The following SCNN1G variants were observed in gnomAD, a reference collection of about 807,000 sequenced individuals.
The protein encoded by SCNN1G is epithelial sodium channel subunit gamma.
In SCNN1G, 27 loss-of-function variants were observed where a neutral mutation model predicts 64.6. The ratio of observed to expected loss-of-function variants is 0.42; its 90% CI spans 0.31 to 0.58. SCNN1G has a LOEUF of 0.58. Among genes scored for constraint, SCNN1G ranks in the 20% least tolerant of loss-of-function variants. The pLI is 0.18. For missense variants in SCNN1G, 743 were observed against 823.4 expected (o/e 0.90, Z 1.19); for synonymous variants, 330 against 314.2 (o/e 1.05, Z -0.53).
chr16:23,184,926 C>G (rs1329609500), intron 1 of SCNN1G, among the ~76,000 whole-genome samples: 1 of 152,114 alleles, frequency 6.6e-6, no homozygotes, highest in Admixed American at 6.5e-5. Context: ...TCATATATCC[C>G]CCACCCCCAA....
chr16:23,214,994 G>A, intron 12 of SCNN1G, 95 bp from the exon 13 acceptor site: 1 of 1,462,954 alleles, frequency 6.8e-7, no homozygotes, highest in Non-Finnish European at 9.5e-7. Context: ...GCAGGGTCGG[G>A]GCTGACCCGT....
chr16:23,197,854 G>T (rs537555320), intron 6 of SCNN1G, among the ~76,000 whole-genome samples: 1 of 148,710 alleles, frequency 6.7e-6, no homozygotes, highest in Non-Finnish European at 1.5e-5. Flanking sequence ...CACTCCAGCC[G>T]AGCAACAGAG....
At chr16:23,202,132 C>G (rs184263887) in intron 6 of SCNN1G, among the ~76,000 whole-genome samples, 2 of 152,224 alleles carry the variant, frequency 1.3e-5, no homozygotes, top group African/African-American at 4.8e-5. Flanking sequence ...CAAAAGTAAG[C>G]ACAACTTTGC....
At chr16:23,198,828 G>A (rs991518913) in intron 6 of SCNN1G, among the ~76,000 whole-genome samples, 9 of 151,858 alleles carry the variant, frequency 5.9e-5, no homozygotes, top group African/African-American at 2.2e-4. Flanking sequence ...GCTGAAGTGG[G>A]ACGATCACTT....
chr16:23,199,171 T>G (rs1959845198), intron 6 of SCNN1G, among the ~76,000 whole-genome samples: 1 of 152,220 alleles, frequency 6.6e-6, no homozygotes, highest in African/African-American at 2.4e-5. Flanking sequence ...TACTGTGTCT[T>G]GGCAGGGATA....
chr16:23,189,697 C>T, intron 3 of SCNN1G, 26 bp downstream of exon 3: 2 of 1,610,024 alleles, frequency 1.2e-6, no homozygotes, highest in Non-Finnish European at 8.5e-7. Context: ...CTCATTCTTT[C>T]ACTGCTTAGG....
intron 4 of SCNN1G, among the ~76,000 whole-genome samples, chr16:23,192,993 C>T (rs986476862): frequency 2.2e-5 from 3 of 137,448 alleles, no homozygotes; most frequent in Admixed American, 8.1e-5. Flanking sequence ...CGCTTGAACC[C>T]GGGAGGCGGA....
intron 6 of SCNN1G, among the ~76,000 whole-genome samples, chr16:23,206,231 G>A (rs78367348): frequency 0.028 from 4,331 of 152,264 alleles, 86 homozygotes; most frequent in Non-Finnish European, 0.043. Context: ...TGAGAACAAT[G>A]GTCTGATAGC....
Position 23,189,405 on chromosome 16 carries a change from G to A in SCNN1G, c.352G>A (p.Glu118Lys). Residue 118 changes from glutamate (E) to lysine (K), a missense_variant, in exon 3 of 13, where the codon GAA becomes AAA. Coordinates refer to ENST00000300061, the MANE Select transcript of SCNN1G (RefSeq NM_001039.4). ...STVRHLLADL[E>K]QETREALKSL... ...CGTTCGCCACCTTCTAGCTGACTTGGAACAGGAGACCAGAGAGGCCCTGAA... is the reference window on the plus strand; with the variant it reads ...CGTTCGCCACCTTCTAGCTGACTTGAAACAGGAGACCAGAGAGGCCCTGAA... The A allele has an allele frequency of 6.2e-7, 1 of 1,614,066 alleles. No individual in the cohort carries two copies. Among genetic ancestry groups the A allele is most frequent in the South Asian group, 1.1e-5 (1 of 91,074 alleles).
chr16:23,193,103 C>T (rs1959738346), intron 4 of SCNN1G, among the ~76,000 whole-genome samples: 1 of 142,320 alleles, frequency 7.0e-6, no homozygotes, highest in Non-Finnish European at 1.5e-5. Context: ...AAAAACCCAA[C>T]CCACAAGGTA....
chr16:23,186,575 A>G lies in SCNN1G; in HGVS notation c.304A>G (p.Ile102Val). The G allele has an allele frequency of 6.2e-7, 1 of 1,612,704 alleles. No homozygotes were observed. Among genetic ancestry groups the G allele is most frequent in the Non-Finnish European group, 8.5e-7 (1 of 1,179,958 alleles). The change falls in exon 2 of 13, where the codon ATC becomes GTC. Residue 102 changes from isoleucine (I) to valine (V), a missense_variant. Transcript: ENST00000300061. ...LDFPAVTICN[I>V]NPYKYSTVRH... Reference sequence around the variant, plus strand: ...TTTTCCTGCAGTCACCATCTGCAACATCAACCCCTACAAGTAAGAGGCATG... The same window carrying G: ...TTTTCCTGCAGTCACCATCTGCAACGTCAACCCCTACAAGTAAGAGGCATG...
intron 4 of SCNN1G, 146 bp downstream of exon 4, chr16:23,192,688 A>G (rs1159341095): frequency 7.1e-6 from 5 of 708,360 alleles, no homozygotes; most frequent in Non-Finnish European, 1.3e-5. Context: ...AACTGCTTAC[A>G]TGGGAGCTGT....
intron 11 of SCNN1G, 46 bp downstream of exon 11, chr16:23,213,209 C>T (rs766777190): frequency 7.8e-6 from 11 of 1,412,948 alleles, no homozygotes; most frequent in Non-Finnish European, 7.0e-6. Context: ...CACCACAGCC[C>T]CCAGCCTTCT....
Position 23,215,314 on chromosome 16 carries a change from G to C in SCNN1G, c.1795G>C (p.Asp599His). 1.2e-6 allele frequency: 2 copies of C among 1,614,200 alleles called. No homozygotes were observed. The highest frequency in any genetic ancestry group is 1.7e-6 in the Non-Finnish European group (2 of 1,180,044). ...CCAGGACAATCCAGCCCTGGATATA[G>C]ACGATGACCTACCCACTTTCAACTC... ...QGQDNPALDI[D>H]DDLPTFNSAL... The change falls in exon 13 of 13, where the codon GAC becomes CAC. Residue 599 changes from aspartate (D) to histidine (H), a missense_variant. Coordinates refer to ENST00000300061, the MANE Select transcript of SCNN1G (RefSeq NM_001039.4).
In SCNN1G at chr16:23,189,460, A is replaced by G. The variant is rs760937894; in HGVS notation, c.407A>G (p.Lys136Arg). 3 of 1,614,184 alleles carry G rather than the reference A, an allele frequency of 1.9e-6. No individual in the cohort carries two copies. The highest frequency in any genetic ancestry group is 2.5e-6 in the Non-Finnish European group (3 of 1,180,014). Residue 136 changes from lysine (K) to arginine (R), a missense_variant, in exon 3 of 13, where the codon AAG (lysine) becomes AGG (arginine). Transcript: ENST00000300061. The part of the protein sequence containing the change: ...KSLYGFPESR[K>R]RREAESWNSV... ...CTGTATGGCTTTCCAGAGTCCCGGA[A>G]GCGCCGAGAGGCGGAGTCCTGGAAC...
In SCNN1G at chr16:23,197,371, G is replaced by A. The variant is rs772278786; in HGVS notation, c.1021G>A (p.Glu341Lys). The change falls in exon 6 of 13, where the codon GAA becomes AAA. Residue 341 changes from glutamate to lysine, a missense_variant. Physicochemically the swap from Glu to Lys is moderately conservative, Grantham distance 56. Transcript: ENST00000300061. ...IHRQDEYPFV[E>K]DVGTEIETAM... ...TCGGCAGGATGAGTATCCCTTCGTC[G>A]AAGATGTGGGAACAGAGATTGAGAC... 6.2e-6 allele frequency: 10 copies of A among 1,614,078 alleles called. No homozygotes were observed. Among genetic ancestry groups the A allele is most frequent in the South Asian group, 1.1e-5 (1 of 91,076 alleles).
chr16:23,204,302 T>C (rs866575602), intron 6 of SCNN1G, among the ~76,000 whole-genome samples: 8 of 43,832 alleles, frequency 1.8e-4, no homozygotes, highest in South Asian at 9.1e-4. Flanking sequence ...TATATATATA[T>C]ATATATATAT....
intron 11 of SCNN1G, among the ~76,000 whole-genome samples, chr16:23,214,384 C>T (rs1203399536): frequency 6.6e-6 from 1 of 152,216 alleles, no homozygotes; most frequent in African/African-American, 2.4e-5. Flanking sequence ...TGTACATTAC[C>T]TGTACATACT....
intron 4 of SCNN1G, among the ~76,000 whole-genome samples, chr16:23,193,657 A>AAATAC (rs1349902098): frequency 2.0e-5 from 3 of 152,134 alleles, no homozygotes; most frequent in Admixed American, 6.5e-5. Flanking sequence ...TCAGAAATAA[A>AAATAC]AATACAATAC....
Sources: allele counts gnomAD v4.1 joint callset (sites outside exome capture counted in the v4.1 genomes callset), GRCh38; gene constraint gnomAD v4.1.1; transcripts MANE v1.5; gene names NCBI Gene and HGNC (gene_info 2026-07-23, HGNC 2026-07-21).